The following BTBD9 variants were observed in gnomAD, a reference collection of about 807,000 sequenced individuals.
The protein encoded by BTBD9 is BTB domain containing 9.
BTBD9 carries 49 observed loss-of-function variants against 64.3 expected under a neutral mutation model. That is an observed-to-expected ratio of 0.76 (90% confidence interval 0.61 to 0.97). The LOEUF (loss-of-function observed/expected upper bound fraction) is 0.97, where lower values mean the gene tolerates loss of function less well. Among genes scored for constraint, BTBD9 ranks in the 50% least tolerant of loss-of-function variants. BTBD9 has a pLI of 0.00. For synonymous variants in BTBD9, 260 were observed against 274.7 expected (o/e 0.95, Z 0.53); for missense variants, 598 against 762.1 (o/e 0.78, Z 2.53).
At chr6:38,234,329 A>T (rs763647391) in intron 9 of BTBD9, among the ~76,000 whole-genome samples, 7 of 152,160 alleles carry the variant, frequency 4.6e-5, no homozygotes, top group Admixed American at 2.0e-4. Flanking sequence ...GCTTTGCTCT[A>T]AAGGTGGAGC....
intron 4 of BTBD9, chr6:38,588,546 C>T: frequency 1.5e-6 from 1 of 683,642 alleles, no homozygotes; most frequent in Non-Finnish European, 2.2e-6. Context: ...TTATCTACAC[C>T]AATTAATGTA....
At chr6:38,424,263 A>C (rs1200058325) in intron 6 of BTBD9, among the ~76,000 whole-genome samples, 2 of 151,982 alleles carry the variant, frequency 1.3e-5, no homozygotes, top group East Asian at 3.9e-4. Context: ...GCAAGCAGAT[A>C]GCATAAGTTC....
intron 7 of BTBD9, among the ~76,000 whole-genome samples, chr6:38,341,884 T>C (rs1375506536): frequency 6.6e-6 from 1 of 152,092 alleles, no homozygotes; most frequent in Non-Finnish European, 1.5e-5. Flanking sequence ...CTCTGGGCAA[T>C]GTGGTTGAGC....
chr6:38,291,965 CTT>C (rs562126426), intron 7 of BTBD9, among the ~76,000 whole-genome samples: 8 of 142,976 alleles, frequency 5.6e-5, no homozygotes, highest in Admixed American at 7.0e-5. Flanking sequence ...TTTTTTCTTT[CTT>C]TTTTTTTTTT....
chr6:38,411,251 C>T (rs1410088760), intron 6 of BTBD9, among the ~76,000 whole-genome samples: 1 of 152,010 alleles, frequency 6.6e-6, no homozygotes, highest in African/African-American at 2.4e-5. Context: ...AGCAATCATG[C>T]AAGAATAGCC....
chr6:38,499,334 C>T (rs996166611), intron 6 of BTBD9, among the ~76,000 whole-genome samples: 4 of 152,202 alleles, frequency 2.6e-5, no homozygotes, highest in Admixed American at 1.3e-4. Flanking sequence ...TTAAAATCTC[C>T]TCATTGTTGC....
chr6:38,299,351 T>C (rs1762294785), intron 7 of BTBD9, among the ~76,000 whole-genome samples: 3 of 152,350 alleles, frequency 2.0e-5, no homozygotes, highest in South Asian at 2.1e-4. Context: ...GCATGATTTA[T>C]AGTCATTTGG....
intron 4 of BTBD9, among the ~76,000 whole-genome samples, chr6:38,592,047 G>T (rs931135494): frequency 6.6e-6 from 1 of 152,038 alleles, no homozygotes; most frequent in Non-Finnish European, 1.5e-5. Flanking sequence ...GCCGAGTGTG[G>T]TGGCGGGTGG....
At chr6:38,274,081 AAGAGG>A (rs1459274761) in intron 8 of BTBD9, among the ~76,000 whole-genome samples, 1 of 152,262 alleles carries the variant, frequency 6.6e-6, no homozygotes, top group Non-Finnish European at 1.5e-5. Context: ...TGGTCGAAGG[AAGAGG>A]TCCTTCACGT....
At chr6:38,495,888 GTCT>G (rs1478526060) in intron 6 of BTBD9, among the ~76,000 whole-genome samples, 1 of 152,158 alleles carries the variant, frequency 6.6e-6, no homozygotes, top group African/African-American at 2.4e-5. Context: ...ACTTTCTTCT[GTCT>G]CTTTCTTCAT....
At chr6:38,579,148 C>T (rs2127474558) in intron 5 of BTBD9, among the ~76,000 whole-genome samples, 1 of 152,226 alleles carries the variant, frequency 6.6e-6, no homozygotes, top group South Asian at 2.1e-4. Flanking sequence ...AAAAAGGAAA[C>T]AGGAAAAGAT....
rs1440145297 is a variant in BTBD9 at position 38,168,652 on chromosome 6, A to G, written c.*6333T>C. 2 of 152,260 alleles carry G rather than the reference A, an allele frequency of 1.3e-5. No homozygotes were observed. The highest frequency in any genetic ancestry group is 4.8e-5 in the African/African-American group (2 of 41,446). The allele number at this position is 152,260 out of a possible 1,614,324, so 9.4% of individuals were successfully genotyped here. On this transcript the variant is annotated 3_prime_UTR_variant, in exon 11 of 11. Coordinates refer to ENST00000481247, the MANE Select transcript of BTBD9 (RefSeq NM_001099272.2). ...TGGGCATCTTTGGAGTTTTAGACGG[A>G]GCTTCTGGAGTCACAGAGCCATTCC...
Position 38,412,579 on chromosome 6 carries a change from C to A in BTBD9, c.1155-67486G>T, listed in dbSNP as rs899535009. 9.9e-5 allele frequency among the ~76,000 whole-genome samples: 15 copies of A among 151,212 alleles called. 1 individual carries two copies. Among genetic ancestry groups the A allele is most frequent in the Admixed American group, 5.3e-4 (8 of 15,174 alleles). ...CATTAAAAAAAAAAAAAAAGTCTGA[C>A]CAGGTGCGGTGGCTCACACCTGTAA... On this transcript the variant is annotated intron_variant, in intron 6 of 10. Coordinates refer to ENST00000481247, the MANE Select transcript of BTBD9 (RefSeq NM_001099272.2).
chr6:38,297,912 C>A (rs968412304), intron 7 of BTBD9, among the ~76,000 whole-genome samples: 6 of 151,198 alleles, frequency 4.0e-5, no homozygotes, highest in African/African-American at 1.5e-4. Context: ...GCTATCTCGG[C>A]TCACTGCAAG....
chr6:38,527,916 A>G (rs1328606964), intron 6 of BTBD9, among the ~76,000 whole-genome samples: 2 of 151,964 alleles, frequency 1.3e-5, no homozygotes, highest in Admixed American at 1.3e-4. Context: ...AGAACACCAA[A>G]TTTAACAACT....
chr6:38,535,337 T>C (rs1773976905), intron 6 of BTBD9, among the ~76,000 whole-genome samples: 1 of 152,008 alleles, frequency 6.6e-6, no homozygotes, highest in Non-Finnish European at 1.5e-5. Context: ...TATAAAACAT[T>C]GATGCAAGAA....
At chr6:38,262,293 A>G (rs1307215905) in intron 8 of BTBD9, among the ~76,000 whole-genome samples, 1 of 152,208 alleles carries the variant, frequency 6.6e-6, no homozygotes, top group African/African-American at 2.4e-5. Flanking sequence ...GGGGCTGAAT[A>G]AAGGAAGTTG....
chr6:38,485,311 T>A lies in BTBD9; in HGVS notation c.1154+92289A>T, dbSNP rs77017216. Among the ~76,000 whole-genome samples, 191 of 152,308 alleles carry A rather than the reference T, an allele frequency of 1.3e-3. 4 individuals carry two copies. The South Asian group carries it at 0.019, about 16-fold the overall frequency. ...ACAAATATTCTTAATGGCCTCTAAA[T>A]GGTGAATACTTTCCAGAAGGCTTTC... On this transcript the variant is annotated intron_variant, in intron 6 of 10. Coordinates refer to ENST00000481247, the MANE Select transcript of BTBD9 (RefSeq NM_001099272.2).
intron 9 of BTBD9, among the ~76,000 whole-genome samples, chr6:38,230,297 C>T (rs1206539215): frequency 6.6e-6 from 1 of 152,084 alleles, no homozygotes; most frequent in African/African-American, 2.4e-5. Context: ...GAGTTCAAGA[C>T]CAGCCTGAAC....
Sources: gnomAD v4.1 joint callset for allele counts (sites outside exome capture counted in the v4.1 genomes callset) on GRCh38, gnomAD v4.1.1 for gene constraint, MANE v1.5 for transcripts, NCBI Gene and HGNC (gene_info 2026-07-23, HGNC 2026-07-21) for gene names.